CHD8: variants seen among roughly 807,000 people sequenced by gnomAD.
The protein encoded by CHD8 is chromodomain helicase DNA binding protein 8.
CHD8 carries 31 observed loss-of-function variants against 279.2 expected under a neutral mutation model. The ratio of observed to expected loss-of-function variants is 0.11; its 90% CI spans 0.08 to 0.15. The LOEUF (loss-of-function observed/expected upper bound fraction) is 0.15. CHD8 is among the 10% of genes least tolerant of loss of function. The pLI is 1.00. For missense variants in CHD8, 2,146 were observed against 3,230.5 expected, an observed-to-expected ratio of 0.66 and a Z score of 8.14; for synonymous variants, 1,081 against 1,139.6, an observed-to-expected ratio of 0.95 and a Z score of 1.04.
Position 21,391,748 on chromosome 14 carries a change from T to C in CHD8, c.6885+85A>G, listed in dbSNP as rs951274165. Reference sequence around the variant, plus strand: ...CATGAAATGACTCTAGTATTTTCCATTCCCCCAGTCCCACTGCCTTCATCA... The same window carrying C: ...CATGAAATGACTCTAGTATTTTCCACTCCCCCAGTCCCACTGCCTTCATCA... On this transcript the variant is annotated intron_variant, in intron 35 of 37. Coordinates refer to ENST00000646647, the MANE Select transcript of CHD8 (RefSeq NM_001170629.2). The C allele has an allele frequency of 2.0e-6, 3 of 1,516,694 alleles. No individual in the cohort carries two copies. The African/African-American group carries it at 4.1e-5, about 21-fold the overall frequency. 94.0% of individuals were successfully genotyped at this position (1,516,694 alleles called of 1,614,324 possible).
rs145662971 is a variant in CHD8, at chr14:21,390,338, T to C, written c.7182+609A>G. On this transcript the variant is annotated intron_variant, in intron 37 of 37. Transcript: ENST00000646647. ...TGTCCAAAATCCCTTAGTTATTCAATAGAAGAACAGAGTAAGATCTGAATG... is the reference window on the plus strand; with the variant it reads ...TGTCCAAAATCCCTTAGTTATTCAACAGAAGAACAGAGTAAGATCTGAATG... 6.3e-4 allele frequency among the ~76,000 whole-genome samples: 96 copies of C among 152,322 alleles called. 1 individual carries two copies. Among genetic ancestry groups the C allele is most frequent in the African/African-American group, 2.2e-3 (90 of 41,568 alleles).
Position 21,416,033 on chromosome 14 carries a change from G to A in CHD8, c.1717-126C>T, listed in dbSNP as rs1888708702. The stretch of plus-strand genomic sequence containing the variant: ...ATTTTCATGAAAAATCAGACCAAAA[G>A]ATGATAAGGAGATTATCTGTCAAAC... On this transcript the variant is annotated intron_variant, in intron 5 of 37. Coordinates refer to ENST00000646647, the MANE Select transcript of CHD8 (RefSeq NM_001170629.2). The A allele has an allele frequency of 1.5e-5, 11 of 750,564 alleles. No homozygotes were observed. The East Asian group carries it at 2.7e-4, about 18-fold the overall frequency. The allele number at this position is 750,564 out of a possible 1,614,324, so 46.5% of individuals were successfully genotyped here.
intron 1 of CHD8, among the ~76,000 whole-genome samples, chr14:21,447,519 G>C (rs891305198): frequency 6.6e-6 from 1 of 151,772 alleles, no homozygotes; most frequent in African/African-American, 2.4e-5. Context: ...GTACAGGCAC[G>C]CACCACCACG....
intron 5 of CHD8, among the ~76,000 whole-genome samples, chr14:21,417,822 C>A (rs1888799882): frequency 2.0e-5 from 3 of 146,506 alleles, no homozygotes; most frequent in Non-Finnish European, 3.0e-5. Context: ...CCACTGCACT[C>A]CAGCCTGGGA....
In CHD8 at chr14:21,393,169, T is replaced by C. The variant is rs745467579; in HGVS notation, c.6405A>G (p.Gly2135=). ...GCAGAAGCTCAGGGGTCATTTGTTC[T>C]CCATCTTCATTTGGGAATCCATCTT... ...MSQDGFPNED[G]EQMTPELLLL... The change falls in exon 33 of 38, where the codon GGA becomes GGG. Residue 2135 remains glycine (G), a synonymous_variant. Transcript: ENST00000646647. The C allele has an allele frequency of 3.4e-5, 55 of 1,613,968 alleles. No individual in the cohort carries two copies. The Admixed American group carries it at 8.2e-4, about 24-fold the overall frequency.
At chr14:21,407,405 GA>G (rs1390732119) in intron 13 of CHD8, among the ~76,000 whole-genome samples, 1 of 151,796 alleles carries the variant, frequency 6.6e-6, no homozygotes, top group Non-Finnish European at 1.5e-5. Flanking sequence ...AGCTAATACA[GA>G]ACATAATATT....
chr14:21,403,763 C>G lies in CHD8; in HGVS notation c.3308-100G>C, dbSNP rs185098074. The G allele has an allele frequency of 7.0e-4, 711 of 1,010,110 alleles. 1 individual carries two copies. The highest frequency in any genetic ancestry group is 1.1e-3 in the Middle Eastern group (4 of 3,790). 62.6% of individuals were successfully genotyped at this position (1,010,110 alleles called of 1,614,324 possible). A position where few individuals can be genotyped will look rare whatever the true frequency, so the allele number is the denominator to read the frequency against. On this transcript the variant is annotated intron_variant, in intron 16 of 37. Coordinates refer to ENST00000646647, the MANE Select transcript of CHD8 (RefSeq NM_001170629.2). This position sits in a 1 kb window ranked among gnomAD's most constrained non-coding sequence, Gnocchi z 4.3. ...GCAAAAGGAAAAAAATGTAATTTGA[C>G]TTAAGACCAACATTTCTCACACACA...
At position 21,408,278 on chromosome 14, in the gene CHD8, C is replaced by T; in HGVS notation, c.2730+34G>A. 1 of 1,597,580 alleles carries T rather than the reference C, an allele frequency of 6.3e-7. No individual in the cohort carries two copies. The highest frequency in any genetic ancestry group is 1.1e-5 in the South Asian group (1 of 90,704). ...TACCAGGTACCTTGGCCGACTTTCT[C>T]TAACTCATAGTATTCCCAAGACATG... On this transcript the variant is annotated intron_variant, in intron 13 of 37. Transcript: ENST00000646647. This position sits in a 1 kb window ranked among gnomAD's most constrained non-coding sequence, Gnocchi z 4.3.
intron 7 of CHD8, 195 bp downstream of exon 7, chr14:21,415,379 A>G (rs1329309420): frequency 3.0e-6 from 1 of 337,648 alleles, no homozygotes; most frequent in East Asian, 5.3e-5. Flanking sequence ...GCACAATGGT[A>G]GTCCCAGATA....
intron 5 of CHD8, chr14:21,425,488 C>T (rs1889273152): frequency 6.6e-6 from 1 of 151,938 alleles, no homozygotes; most frequent in Non-Finnish European, 1.5e-5. Flanking sequence ...CCACACCTGG[C>T]TAATTTTTGT....
Position 21,393,981 on chromosome 14 carries a change from G to T in CHD8, c.5814C>A (p.Ala1938=), listed in dbSNP as rs748169189. Reference sequence around the variant, plus strand: ...AGTCTGTTTGGCTCACCCCATGGCGGGCTGCCCCTCTTAGAAGCTCCCCAT... The same window carrying T: ...AGTCTGTTTGGCTCACCCCATGGCGTGCTGCCCCTCTTAGAAGCTCCCCAT... ...RHDGELLRGA[A]RHGVSQTDCN... Residue 1938 remains alanine, a synonymous_variant, in exon 32 of 38, where the codon GCC becomes GCA. Transcript: ENST00000646647. 3 of 1,613,960 alleles carry T rather than the reference G, an allele frequency of 1.9e-6. No individual in the cohort carries two copies. In the South Asian group the frequency reaches 3.3e-5, roughly 18 times the overall value.
chr14:21,401,124 AAAG>A, intron 21 of CHD8, 53 bp from the exon 22 acceptor site: 1 of 1,326,042 alleles, frequency 7.5e-7, no homozygotes, highest in African/African-American at 1.5e-5. Flanking sequence ...GCTCATGGGA[AAAG>A]AATAAGACAA....
At chr14:21,452,378 C>T (rs1890277185) in intron 1 of CHD8, among the ~76,000 whole-genome samples, 1 of 151,994 alleles carries the variant, frequency 6.6e-6, no homozygotes, top group African/African-American at 2.4e-5. Flanking sequence ...TGTGGTGGCT[C>T]ACGCTTGTAA....
At position 21,403,686 on chromosome 14, in the gene CHD8, ATG is replaced by A; in HGVS notation, c.3308-25_3308-24del. On this transcript the variant is annotated intron_variant, in intron 16 of 37. Transcript: ENST00000646647. This position sits in a 1 kb window ranked among gnomAD's most constrained non-coding sequence, Gnocchi z 4.3. ...CACCTGCCAAAAGAAAAATCAAATT[ATG>A]TTGAGATCCAGTGAACCATATTAAG... The A allele has an allele frequency of 6.5e-7, 1 of 1,540,358 alleles. No homozygotes were observed. The highest frequency in any genetic ancestry group is 1.4e-5 in the African/African-American group (1 of 73,276).
At chr14:21,411,873 G>C (rs1387057059) in intron 10 of CHD8, among the ~76,000 whole-genome samples, 1 of 152,026 alleles carries the variant, frequency 6.6e-6, no homozygotes, top group Non-Finnish European at 1.5e-5. Context: ...GACTAAGCCT[G>C]GCTAACATGG....
intron 28 of CHD8, 54 bp from the exon 29 acceptor site, chr14:21,395,406 G>C (rs1411608090): frequency 7.8e-7 from 1 of 1,288,804 alleles, no homozygotes; most frequent in Non-Finnish European, 1.1e-6. Flanking sequence ...AGGGGGGGAA[G>C]TTGGCACTCT....
chr14:21,451,571 CAAAAAAAAAAAAAAAA>C (rs969355375), intron 1 of CHD8, among the ~76,000 whole-genome samples: 2 of 31,634 alleles, frequency 6.3e-5, no homozygotes, highest in East Asian at 2.4e-3. Flanking sequence ...GACTCTGTCT[CAAAAAAAAAAAAAAAA>C]AAAAAAAAAA....
chr14:21,437,497 C>CA lies in CHD8; in HGVS notation c.-215-5640dup, dbSNP rs1284744005. Among the ~76,000 whole-genome samples the CA allele has an allele frequency of 2.6e-5, 4 of 152,264 alleles. No individual in the cohort carries two copies. In the East Asian group the frequency reaches 7.7e-4, roughly 29 times the overall value. On this transcript the variant is annotated intron_variant, in intron 1 of 37. Coordinates refer to ENST00000646647, the MANE Select transcript of CHD8 (RefSeq NM_001170629.2). ...AGGGGGCTGGCCAGAGGAACAGTCT[C>CA]ATAGTACGCGAAACCAGTCCTGGAG... is the stretch of plus-strand genomic sequence containing the variant.
At chr14:21,437,354 C>A (rs1295041647) in intron 1 of CHD8, 38 of 867,720 alleles carry the variant, frequency 4.4e-5, no homozygotes, top group Admixed American at 9.0e-5. Flanking sequence ...CAAAACAGCG[C>A]AAAGGGTGGG....
Sources: gnomAD v4.1 joint callset for allele counts (sites outside exome capture counted in the v4.1 genomes callset) on GRCh38, gnomAD v4.1.1 for gene constraint, Gnocchi (gnomAD v3.1) non-coding constraint, MANE v1.5 for transcripts, NCBI Gene and HGNC (gene_info 2026-07-23, HGNC 2026-07-21) for gene names.